ARL8B: variants seen among roughly 807,000 people sequenced by gnomAD.
The protein encoded by ARL8B is ADP-ribosylation factor-like protein 8B.
A neutral mutation model predicts 30.6 loss-of-function variants in ARL8B; 9 were observed. The ratio of observed to expected loss-of-function variants is 0.29; its 90% CI spans 0.18 to 0.51. The LOEUF (loss-of-function observed/expected upper bound fraction) is 0.51. Ranked by LOEUF, ARL8B falls within the 20% of genes least tolerant of loss-of-function variation. The pLI is 0.97. For synonymous variants in ARL8B, 74 were observed against 76.0 expected, an observed-to-expected ratio of 0.97 and a Z score of 0.14; for missense variants, 130 against 227.2, an observed-to-expected ratio of 0.57 and a Z score of 2.75.
chr3:5,180,307 C>G lies in ARL8B; in HGVS notation c.*1594C>G, dbSNP rs566837351. 1.1e-4 allele frequency: 17 copies of G among 152,578 alleles called. No homozygotes were observed. The highest frequency in any genetic ancestry group is 4.1e-4 in the African/African-American group (17 of 41,576). 9.5% of individuals were successfully genotyped at this position (152,578 alleles called of 1,614,324 possible). On this transcript the variant is annotated 3_prime_UTR_variant, in exon 7 of 7. Coordinates refer to ENST00000256496, the MANE Select transcript of ARL8B (RefSeq NM_018184.3). Reference sequence around the variant, plus strand: ...GAGTAGAATCTGGGCTTTTAAATTTCTCTTCTTATTCTTTGAAGCATGTTG... The same window carrying G: ...GAGTAGAATCTGGGCTTTTAAATTTGTCTTCTTATTCTTTGAAGCATGTTG...
At chr3:5,154,854 G>A (rs1277866069) in intron 1 of ARL8B, among the ~76,000 whole-genome samples, 1 of 152,060 alleles carries the variant, frequency 6.6e-6, no homozygotes, top group East Asian at 1.9e-4. Context: ...GGGATTACAG[G>A]GGCATGCCAC....
intron 1 of ARL8B, among the ~76,000 whole-genome samples, chr3:5,138,970 C>A (rs1389959149): frequency 1.3e-5 from 2 of 152,296 alleles, no homozygotes; most frequent in East Asian, 3.9e-4. Context: ...AGCCACACCA[C>A]TGTACTGCCA....
At chr3:5,148,570 G>T (rs927385997) in intron 1 of ARL8B, among the ~76,000 whole-genome samples, 13 of 152,036 alleles carry the variant, frequency 8.6e-5, no homozygotes, top group African/African-American at 3.1e-4. Context: ...ACTGGGTGAG[G>T]GCTTTTTATT....
intron 1 of ARL8B, among the ~76,000 whole-genome samples, chr3:5,154,116 T>C (rs975453542): frequency 6.6e-6 from 1 of 152,198 alleles, no homozygotes; most frequent in Admixed American, 6.5e-5. Context: ...TTCTTTCTGC[T>C]TACCCTGCTT....
intron 1 of ARL8B, among the ~76,000 whole-genome samples, chr3:5,152,662 T>G (rs2054494897): frequency 6.6e-6 from 1 of 152,196 alleles, no homozygotes; most frequent in African/African-American, 2.4e-5. Context: ...ATTTTTAAAT[T>G]TTTTGTAGAG....
intron 1 of ARL8B, among the ~76,000 whole-genome samples, chr3:5,148,015 C>T (rs193037908): frequency 1.6e-4 from 24 of 151,640 alleles, no homozygotes; most frequent in Middle Eastern, 3.4e-3. Flanking sequence ...TTGGGGTCAA[C>T]GTTTGGAGAT....
chr3:5,128,325 A>G, intron 1 of ARL8B: 2 of 309,064 alleles, frequency 6.5e-6, no homozygotes, highest in Non-Finnish European at 1.3e-5. Context: ...TGGAGAAGCT[A>G]GTCTTCCAAT....
chr3:5,144,263 G>T (rs959384307), intron 1 of ARL8B, among the ~76,000 whole-genome samples: 3 of 152,184 alleles, frequency 2.0e-5, no homozygotes, highest in Non-Finnish European at 2.9e-5. Context: ...GGTGATCTCT[G>T]ATCACCAGTA....
At chr3:5,158,602 T>C (rs939437610) in intron 1 of ARL8B, among the ~76,000 whole-genome samples, 8 of 152,202 alleles carry the variant, frequency 5.3e-5, no homozygotes, top group African/African-American at 1.9e-4. Flanking sequence ...TTACCTAGTG[T>C]GACTGTCTCC....
intron 2 of ARL8B, among the ~76,000 whole-genome samples, chr3:5,171,862 T>G (rs1488640830): frequency 6.6e-6 from 1 of 152,258 alleles, no homozygotes; most frequent in African/African-American, 2.4e-5. Flanking sequence ...TTTTCAATAA[T>G]AGAAGTATAT....
intron 1 of ARL8B, 116 bp downstream of exon 1, chr3:5,122,704 G>A: frequency 3.3e-6 from 4 of 1,198,378 alleles, no homozygotes; most frequent in Non-Finnish European, 4.6e-6. Flanking sequence ...GGCGGGGGGC[G>A]TGCGAAGCTG....
Position 5,167,108 on chromosome 3 carries a change from A to G in ARL8B, c.124-3395A>G, listed in dbSNP as rs116453414. On this transcript the variant is annotated intron_variant, in intron 1 of 6. Coordinates refer to ENST00000256496, the MANE Select transcript of ARL8B (RefSeq NM_018184.3). ...ATAAGATTCCCTGACTTTGAGAATA[A>G]TCTTCTTTTCACCATCTTATTTTGC... Among the ~76,000 whole-genome samples the G allele has an allele frequency of 9.3e-3, 1,414 of 152,286 alleles. 20 individuals carry two copies. Among genetic ancestry groups the G allele is most frequent in the African/African-American group, 0.032 (1,315 of 41,554 alleles).
chr3:5,176,249 A>G (rs904653690), intron 6 of ARL8B, among the ~76,000 whole-genome samples: 16 of 151,860 alleles, frequency 1.1e-4, no homozygotes, highest in Non-Finnish European at 2.2e-4. Flanking sequence ...TTATTTTTTT[A>G]AGATGGAGTC....
In ARL8B at chr3:5,122,444, G is replaced by T; in HGVS notation, c.-22G>T. The T allele has an allele frequency of 6.2e-7, 1 of 1,611,832 alleles. No homozygotes were observed. The highest frequency in any genetic ancestry group is 8.5e-7 in the Non-Finnish European group (1 of 1,179,380). ...CCGCCGCTCGTCCGTCCTCCCGTCC[G>T]TTCTCGCTCCCGGCCGCCATCATGC... On this transcript the variant is annotated 5_prime_UTR_variant, in exon 1 of 7. Transcript: ENST00000256496.
intron 2 of ARL8B, 139 bp downstream of exon 2, chr3:5,170,722 T>C: frequency 4.9e-6 from 3 of 613,356 alleles, no homozygotes; most frequent in Non-Finnish European, 8.3e-6. Context: ...ATAGGTTTTT[T>C]TGTTGTTGTT....
intron 1 of ARL8B, among the ~76,000 whole-genome samples, chr3:5,170,052 G>A (rs1266206736): frequency 1.3e-5 from 2 of 152,188 alleles, no homozygotes; most frequent in Admixed American, 1.3e-4. Flanking sequence ...AAAAACTTCT[G>A]TATGACAAAA....
chr3:5,169,094 A>T (rs2054647881), intron 1 of ARL8B, among the ~76,000 whole-genome samples: 1 of 152,190 alleles, frequency 6.6e-6, no homozygotes, highest in Non-Finnish European at 1.5e-5. Context: ...TTTTGGTAAA[A>T]TACATAAAAC....
intron 1 of ARL8B, among the ~76,000 whole-genome samples, chr3:5,130,194 A>ATTTTT (rs5846362): frequency 6.8e-6 from 1 of 147,548 alleles, no homozygotes; most frequent in Non-Finnish European, 1.5e-5. Flanking sequence ...AAAAATATAT[A>ATTTTT]TTTTTTTTTT....
intron 4 of ARL8B, among the ~76,000 whole-genome samples, chr3:5,173,614 C>G (rs751870212): frequency 6.6e-5 from 10 of 151,974 alleles, no homozygotes; most frequent in Non-Finnish European, 1.5e-4. Context: ...CCTGTAGTCC[C>G]AGCTACGGCA....
Sources: gnomAD v4.1 joint callset for allele counts (sites outside exome capture counted in the v4.1 genomes callset) on GRCh38, gnomAD v4.1.1 for gene constraint, MANE v1.5 for transcripts, NCBI Gene and HGNC (gene_info 2026-07-23, HGNC 2026-07-21) for gene names.